CFAP46: variants seen among roughly 807,000 people sequenced by gnomAD.
The protein encoded by CFAP46 is cilia- and flagella-associated protein 46.
In CFAP46, 245 loss-of-function variants were observed where a neutral mutation model predicts 325.7. That is an observed-to-expected ratio of 0.75 (90% CI 0.68 to 0.84). CFAP46 has a LOEUF of 0.84. Among genes scored for constraint, CFAP46 ranks in the 40% least tolerant of loss-of-function variants. The probability of loss-of-function intolerance (pLI) is 0.00; values close to 1 mark genes in which losing one functional copy is unlikely to be tolerated. For synonymous variants in CFAP46, 1,523 were observed against 1,495.9 expected, an observed-to-expected ratio of 1.02 and a Z score of -0.42; for missense variants, 3,346 against 3,543.0, an observed-to-expected ratio of 0.94 and a Z score of 1.41.
chr10:132,822,174 ATGT>A (rs1847864241), intron 50 of CFAP46, among the ~76,000 whole-genome samples: 1 of 78,450 alleles, frequency 1.3e-5, no homozygotes, highest in Non-Finnish European at 2.3e-5. Context: ...GTGTGTGCTG[ATGT>A]GTGCTGATGT....
At chr10:132,921,645 A>C (rs1373803890) in intron 13 of CFAP46, among the ~76,000 whole-genome samples, 2 of 152,180 alleles carry the variant, frequency 1.3e-5, no homozygotes, top group Non-Finnish European at 2.9e-5. Flanking sequence ...TTTGGGTCAA[A>C]TGAGGTCATC....
At chr10:132,911,091 G>T (rs55894633) in intron 19 of CFAP46, among the ~76,000 whole-genome samples, 2 of 152,082 alleles carry the variant, frequency 1.3e-5, no homozygotes, top group South Asian at 4.1e-4. Flanking sequence ...GCCCACAGCA[G>T]GCTCAGCTGC....
chr10:132,824,665 CGTGTGCTGTGTGCTGAT>C (rs1564768114), intron 50 of CFAP46, among the ~76,000 whole-genome samples: 1 of 49,682 alleles, frequency 2.0e-5, no homozygotes, highest in Non-Finnish European at 3.6e-5. Flanking sequence ...TGTGTGCTGA[CGTGTGCTGTGTGCTGAT>C]GTGTGCTGTG....
rs116145669 is a variant in CFAP46 at position 132,920,622 on chromosome 10, C to T, written c.1607-440G>A. The stretch of plus-strand genomic sequence containing the variant: ...CGCTCCTTTTCCTGGCAAATAATCA[C>T]GAGCACCCGGAACTCAGCTCCACAC... On this transcript the variant is annotated intron_variant, in intron 13 of 57. Transcript: ENST00000368586. 6.9e-3 allele frequency among the ~76,000 whole-genome samples: 1,051 copies of T among 152,354 alleles called. 14 individuals are homozygous for T. Among genetic ancestry groups the T allele is most frequent in the African/African-American group, 0.024 (999 of 41,586 alleles).
chr10:132,938,084 G>A (rs891893683), intron 5 of CFAP46, among the ~76,000 whole-genome samples: 6 of 152,288 alleles, frequency 3.9e-5, no homozygotes, highest in African/African-American at 7.2e-5. Context: ...GCTCGGACCC[G>A]TTTCCTTTCC....
intron 41 of CFAP46, 63 bp downstream of exon 41, chr10:132,850,181 T>G (rs942365913): frequency 1.1e-5 from 16 of 1,500,876 alleles, no homozygotes; most frequent in Admixed American, 2.0e-5. Flanking sequence ...ACTTCGCTTG[T>G]GTTTTTCAGG....
intron 50 of CFAP46, among the ~76,000 whole-genome samples, chr10:132,818,304 T>C (rs563443168): frequency 1.3e-5 from 2 of 151,606 alleles, no homozygotes; most frequent in Non-Finnish European, 2.9e-5. Context: ...ACAGAGTCCA[T>C]CTCGGATGGC....
chr10:132,835,444 C>T lies in CFAP46; in HGVS notation c.6614-10G>A, dbSNP rs772423039. 30 of 1,613,234 alleles carry T rather than the reference C, an allele frequency of 1.9e-5. No homozygotes were observed. In the South Asian group the frequency reaches 3.1e-4, roughly 17 times the overall value. ...ATCACCTTGCAGGAGCCTGTGGGGA[C>T]ATGGACACACCCTCTGTCGCTGCCC... On this transcript the variant is annotated splice_polypyrimidine_tract_variant and intron_variant, in intron 46 of 57. Coordinates refer to ENST00000368586, the MANE Select transcript of CFAP46 (RefSeq NM_001200049.3).
chr10:132,837,712 CAT>C (rs1564772853), intron 44 of CFAP46, among the ~76,000 whole-genome samples: 1 of 145,772 alleles, frequency 6.9e-6, no homozygotes, highest in African/African-American at 2.5e-5. Flanking sequence ...CACACACAGA[CAT>C]GCACGGACAC....
intron 4 of CFAP46, 72 bp downstream of exon 4, chr10:132,940,924 C>A (rs1327731622): frequency 7.0e-7 from 1 of 1,435,136 alleles, no homozygotes; most frequent in African/African-American, 1.4e-5. Flanking sequence ...AATAAATACA[C>A]CCACTTGATA....
intron 41 of CFAP46, among the ~76,000 whole-genome samples, chr10:132,848,583 C>A (rs1408372360): frequency 6.6e-6 from 1 of 152,180 alleles, no homozygotes; most frequent in African/African-American, 2.4e-5. Flanking sequence ...CCAAAACACA[C>A]CCACAGCTGC....
At position 132,812,801 on chromosome 10, in the gene CFAP46, G is replaced by A. The variant is rs750743758; in HGVS notation, c.7485C>T (p.Val2495=). ...ACCTCTCACCTTGCAAGTTCATGGC[G>A]ACCAATCTCTCCACTAATATATGGG... ...FLSHILVERL[V]AMNLQECQVA... is the part of the protein sequence containing the mutation. Residue 2495 remains valine, a synonymous_variant, in exon 55 of 58, where the codon GTC becomes GTT. Coordinates refer to ENST00000368586, the MANE Select transcript of CFAP46 (RefSeq NM_001200049.3). 23 of 1,611,970 alleles carry A rather than the reference G, an allele frequency of 1.4e-5. No homozygotes were observed. The highest frequency in any genetic ancestry group is 1.7e-4 in the Middle Eastern group (1 of 6,058).
Position 132,895,390 on chromosome 10 carries a change from A to G in CFAP46, c.3220-2973T>C, listed in dbSNP as rs187343704. Among the ~76,000 whole-genome samples, 16 of 152,378 alleles carry G rather than the reference A, an allele frequency of 1.1e-4. No homozygotes were observed. In the East Asian group the frequency reaches 2.5e-3, roughly 24 times the overall value. On this transcript the variant is annotated intron_variant, in intron 24 of 57. Transcript: ENST00000368586. The stretch of plus-strand genomic sequence containing the variant: ...AGGCTGAAGCTCTCTCACTAAGACC[A>G]GGAACAAGACAAGGCCACTGCTTCC...
intron 19 of CFAP46, among the ~76,000 whole-genome samples, chr10:132,911,078 A>G (rs13376869): frequency 0.49 from 75,305 of 152,146 alleles, 20,043 homozygotes; most frequent in African/African-American, 0.69. Context: ...GCTGCCTCCC[A>G]GGGCCCACAG....
At chr10:132,930,038 C>T (rs1266559022) in intron 8 of CFAP46, among the ~76,000 whole-genome samples, 1 of 152,108 alleles carries the variant, frequency 6.6e-6, no homozygotes, top group Non-Finnish European at 1.5e-5. Flanking sequence ...TGGAGGCTGC[C>T]CAGGGCCACG....
In CFAP46 at chr10:132,844,707, C is replaced by T. The variant is rs187952912; in HGVS notation, c.6438+1350G>A. 3.0e-3 allele frequency among the ~76,000 whole-genome samples: 464 copies of T among 152,302 alleles called. 3 individuals carry two copies. Among genetic ancestry groups the T allele is most frequent in the African/African-American group, 0.011 (444 of 41,558 alleles). ...ACTGGTGTCCTTGGTCCCCAAAGCT[C>T]CTATGGGGTGAGCTCTGCCTGGTCT... On this transcript the variant is annotated intron_variant, in intron 44 of 57. Coordinates refer to ENST00000368586, the MANE Select transcript of CFAP46 (RefSeq NM_001200049.3).
At chr10:132,815,811 C>T (rs1448077032) in intron 50 of CFAP46, among the ~76,000 whole-genome samples, 1 of 152,106 alleles carries the variant, frequency 6.6e-6, no homozygotes, top group Middle Eastern at 3.2e-3. Context: ...AAGAGAAAAG[C>T]TGAACTGAGT....
chr10:132,833,345 G>T lies in CFAP46; in HGVS notation c.7117+13C>A, dbSNP rs1343873568. ...TAAAATTACACATTAAGGTGGCTGA[G>T]GGCAGTTCCTACCTGTCTCTTCTTT... On this transcript the variant is annotated intron_variant, in intron 50 of 57. Transcript: ENST00000368586. The T allele has an allele frequency of 6.2e-7, 1 of 1,606,928 alleles. No individual in the cohort carries two copies. Among genetic ancestry groups the T allele is most frequent in the East Asian group, 2.2e-5 (1 of 44,734 alleles).
intron 50 of CFAP46, among the ~76,000 whole-genome samples, chr10:132,830,460 G>A (rs1848130744): frequency 6.6e-6 from 1 of 152,164 alleles, no homozygotes; most frequent in Admixed American, 6.5e-5. Context: ...TTCTTTGTGG[G>A]AAGATTTTAA....
Sources: gnomAD v4.1 joint callset for allele counts (sites outside exome capture counted in the v4.1 genomes callset) on GRCh38, gnomAD v4.1.1 for gene constraint, MANE v1.5 for transcripts, NCBI Gene and HGNC (gene_info 2026-07-23, HGNC 2026-07-21) for gene names.